Variants in SLC24A2 observed in about 807,000 individuals in gnomAD.
SLC24A2 encodes the protein solute carrier family 24 member 2, also known as sodium/potassium/calcium exchanger 2.
SLC24A2 carries 36 observed loss-of-function variants against 62.0 expected under a neutral mutation model. The observed-to-expected ratio is 0.58, with a 90% confidence interval of 0.44 to 0.77. SLC24A2 has a LOEUF of 0.77. Ranked by LOEUF, SLC24A2 falls within the 30% of genes least tolerant of loss-of-function variation. SLC24A2 has a pLI of 0.00. For synonymous variants in SLC24A2, 358 were observed against 294.0 expected (o/e 1.22, Z -2.23); for missense variants, 846 against 817.9 (o/e 1.03, Z -0.42).
rs571065377 is a variant in SLC24A2 at position 19,748,592 on chromosome 9, C to T, written c.930+37345G>A. On this transcript the variant is annotated intron_variant, in intron 2 of 10. Transcript: ENST00000341998. Reference sequence around the variant, plus strand: ...AAAATTATGATCGTTGTGGTTTAACCTGATAATAAATTTCCAGCAATATTG... The same window carrying T: ...AAAATTATGATCGTTGTGGTTTAACTTGATAATAAATTTCCAGCAATATTG... Among the ~76,000 whole-genome samples the T allele has an allele frequency of 1.6e-4, 25 of 152,218 alleles. No individual in the cohort carries two copies. The East Asian group carries it at 4.4e-3, about 27-fold the overall frequency.
the SLC24A2 span, among the ~76,000 whole-genome samples, chr9:20,255,633 T>G: frequency 6.6e-6 from 1 of 152,150 alleles, no homozygotes; most frequent in Non-Finnish European, 1.5e-5. Context: ...AAGAGGCTGC[T>G]TGGATTTCCT....
chr9:19,896,587 C>T, the SLC24A2 span, among the ~76,000 whole-genome samples: 1 of 152,134 alleles, frequency 6.6e-6, no homozygotes, highest in Non-Finnish European at 1.5e-5. Flanking sequence ...CACCATCTAA[C>T]AGATAACAAA....
chr9:20,135,201 T>C, the SLC24A2 span, among the ~76,000 whole-genome samples: 1 of 152,142 alleles, frequency 6.6e-6, no homozygotes, highest in Non-Finnish European at 1.5e-5. Context: ...ACAATTATTT[T>C]AAAATCAGAC....
At chr9:19,768,238 C>G (rs988630007) in intron 2 of SLC24A2, among the ~76,000 whole-genome samples, 1 of 152,164 alleles carries the variant, frequency 6.6e-6, no homozygotes. Flanking sequence ...CTTCCAGCTT[C>G]CATCCCCATT....
chr9:19,871,741 T>C, the SLC24A2 span, among the ~76,000 whole-genome samples: 9,703 of 152,248 alleles, frequency 0.064, 436 homozygotes, highest in African/African-American at 0.11. Context: ...TCTATACTTG[T>C]GTTTTCATAG....
the SLC24A2 span, among the ~76,000 whole-genome samples, chr9:19,907,930 A>G: frequency 6.6e-6 from 1 of 152,016 alleles, no homozygotes; most frequent in African/African-American, 2.4e-5. Flanking sequence ...TATAGATTCA[A>G]TGCCATCCCC....
At chr9:20,063,463 A>C in the SLC24A2 span, among the ~76,000 whole-genome samples, 2 of 120,954 alleles carry the variant, frequency 1.7e-5, no homozygotes, top group African/African-American at 6.4e-5. Context: ...GGACACAGGA[A>C]GGGGAACATC....
the SLC24A2 span, among the ~76,000 whole-genome samples, chr9:20,198,598 G>C: frequency 1.5e-3 from 229 of 152,224 alleles, 1 homozygote; most frequent in African/African-American, 5.1e-3. Flanking sequence ...TATACTCATG[G>C]CTGGGTGGGT....
chr9:19,667,067 C>T (rs1254957348), intron 2 of SLC24A2, among the ~76,000 whole-genome samples: 1 of 151,996 alleles, frequency 6.6e-6, no homozygotes, highest in Non-Finnish European at 1.5e-5. Context: ...ATCTAGATGC[C>T]ATTATTAAAA....
the SLC24A2 span, among the ~76,000 whole-genome samples, chr9:19,989,750 C>T: frequency 2.0e-5 from 3 of 152,178 alleles, no homozygotes; most frequent in Non-Finnish European, 4.4e-5. Flanking sequence ...CATTTCCACC[C>T]AATTCCAAAT....
At chr9:20,099,239 T>A in the SLC24A2 span, among the ~76,000 whole-genome samples, 1 of 152,332 alleles carries the variant, frequency 6.6e-6, no homozygotes, top group Middle Eastern at 3.4e-3. Flanking sequence ...GTTAATATAG[T>A]TCTATCCAGA....
At chr9:19,845,789 C>G in the SLC24A2 span, among the ~76,000 whole-genome samples, 9 of 151,998 alleles carry the variant, frequency 5.9e-5, no homozygotes, top group Non-Finnish European at 1.3e-4. Context: ...TATGTTGTTT[C>G]TCTGGTTTCA....
At chr9:19,575,745 G>T (rs547976437) in intron 6 of SLC24A2, among the ~76,000 whole-genome samples, 1 of 152,170 alleles carries the variant, frequency 6.6e-6, no homozygotes, top group Non-Finnish European at 1.5e-5. Context: ...GGAGGACTGC[G>T]ACTGAGCCCA....
the SLC24A2 span, among the ~76,000 whole-genome samples, chr9:20,127,887 A>AT: frequency 6.6e-6 from 1 of 151,846 alleles, no homozygotes; most frequent in Non-Finnish European, 1.5e-5. Flanking sequence ...TTAACACCCA[A>AT]TTTTTTTTCC....
At chr9:19,533,545 G>C (rs765603682) in intron 8 of SLC24A2, among the ~76,000 whole-genome samples, 5 of 152,188 alleles carry the variant, frequency 3.3e-5, no homozygotes, top group Non-Finnish European at 7.3e-5. Flanking sequence ...CATACTTGCT[G>C]CTCTCGGCAC....
chr9:20,022,740 TCAAA>T, the SLC24A2 span, among the ~76,000 whole-genome samples: 1 of 152,092 alleles, frequency 6.6e-6, no homozygotes, highest in African/African-American at 2.4e-5. Flanking sequence ...AGAAGAACAG[TCAAA>T]CAAACAAACT....
At chr9:20,225,574 A>ATTATATATATAATATATATAATATAT in the SLC24A2 span, among the ~76,000 whole-genome samples, 1 of 90,876 alleles carries the variant, frequency 1.1e-5, no homozygotes, top group African/African-American at 7.3e-5. Context: ...ATATATATAT[A>ATTATATATATAATATATATAATATAT]ATTTCATTTA....
chr9:19,582,343 A>G (rs1460655994), intron 5 of SLC24A2, among the ~76,000 whole-genome samples: 1 of 152,154 alleles, frequency 6.6e-6, no homozygotes, highest in Non-Finnish European at 1.5e-5. Context: ...CCTCCCTCCC[A>G]TCTTTCCCAC....
chr9:19,735,385 A>G (rs1821476189), intron 2 of SLC24A2, among the ~76,000 whole-genome samples: 1 of 152,024 alleles, frequency 6.6e-6, no homozygotes, highest in African/African-American at 2.4e-5. Flanking sequence ...GTGGAGAAAT[A>G]GGAACACTTT....
Sources: allele counts gnomAD v4.1 joint callset (sites outside exome capture counted in the v4.1 genomes callset), GRCh38; gene constraint gnomAD v4.1.1; transcripts MANE v1.5; gene names NCBI Gene and HGNC (gene_info 2026-07-23, HGNC 2026-07-21).